Variants in ODF2L observed in about 807,000 individuals in gnomAD.
ODF2L encodes protein BCAP.
A neutral mutation model predicts 86.3 loss-of-function variants in ODF2L; 76 were observed. The ratio of observed to expected loss-of-function variants is 0.88; its 90% CI spans 0.73 to 1.07. ODF2L has a LOEUF of 1.07. ODF2L is among the 50% of genes least tolerant of loss of function. The pLI is 0.00. For synonymous variants in ODF2L, 241 were observed against 231.3 expected, an observed-to-expected ratio of 1.04 and a Z score of -0.38; for missense variants, 748 against 717.4, an observed-to-expected ratio of 1.04 and a Z score of -0.49.
chr1:86,366,714 T>A (rs561202116), intron 11 of ODF2L, among the ~76,000 whole-genome samples: 1 of 151,800 alleles, frequency 6.6e-6, no homozygotes, highest in Admixed American at 6.6e-5. Flanking sequence ...ACTTGGGGAA[T>A]ACTTTTTAAA....
At chr1:86,378,465 C>T (rs1195519977) in intron 7 of ODF2L, among the ~76,000 whole-genome samples, 1 of 152,124 alleles carries the variant, frequency 6.6e-6, no homozygotes, top group Non-Finnish European at 1.5e-5. Context: ...ATAGCAATAC[C>T]CCACTCTCTG....
At chr1:86,355,851 C>T (rs921020125) in intron 14 of ODF2L, 11 of 155,314 alleles carry the variant, frequency 7.1e-5, no homozygotes, top group Admixed American at 3.2e-4. Context: ...CCTAAAACTG[C>T]CTTGAAAGTA....
At chr1:86,348,702 T>C, downstream of ODF2L, 11 of 1,347,930 alleles carry the variant, frequency 8.2e-6, no homozygotes, top group Non-Finnish European at 1.1e-5. Context: ...AATCACATTT[T>C]AGACTCATAA....
At chr1:86,347,923 C>T (rs1657891256), downstream of ODF2L, 2 of 152,110 alleles carry the variant, frequency 1.3e-5, no homozygotes, top group South Asian at 4.1e-4. Flanking sequence ...TACTAAAGAC[C>T]TTATTTTAAA....
intron 11 of ODF2L, among the ~76,000 whole-genome samples, chr1:86,363,939 G>A (rs1209488794): frequency 6.6e-6 from 1 of 151,938 alleles, no homozygotes; most frequent in African/African-American, 2.4e-5. Flanking sequence ...GTAATTAAAA[G>A]TAATAAAACA....
At chr1:86,350,104 A>T (rs960894560) in exon 18 of ODF2L, 5 of 323,754 alleles carry the variant, frequency 1.5e-5, no homozygotes, top group African/African-American at 1.1e-4. Context: ...TCAGATCTTT[A>T]TTTTTTTTAA....
chr1:86,385,814 T>C, intron 2 of ODF2L: 1 of 333,720 alleles, frequency 3.0e-6, no homozygotes, highest in Non-Finnish European at 5.4e-6. Context: ...ATTAAAGATG[T>C]ACGTATAGTT....
chr1:86,348,786 C>G, downstream of ODF2L: 1 of 1,530,054 alleles, frequency 6.5e-7, no homozygotes, highest in Non-Finnish European at 8.7e-7. Flanking sequence ...TTTTAAGAAA[C>G]TGTAAATAAT....
intron 12 of ODF2L, among the ~76,000 whole-genome samples, chr1:86,359,156 G>A (rs1368042362): frequency 6.6e-6 from 1 of 151,490 alleles, no homozygotes; most frequent in Non-Finnish European, 1.5e-5. Context: ...ATTTTCATTT[G>A]CAGATCAATG....
exon 16 of ODF2L, chr1:86,354,681 T>C (rs1043246378): frequency 6.2e-7 from 1 of 1,607,192 alleles, no homozygotes; most frequent in African/African-American, 1.3e-5. Flanking sequence ...TGCGTCCATC[T>C]GTTCTAATTT....
chr1:86,371,851 G>A (rs529510285), intron 9 of ODF2L, among the ~76,000 whole-genome samples: 135 of 152,192 alleles, frequency 8.9e-4, no homozygotes, highest in Non-Finnish European at 1.4e-3. Flanking sequence ...ACAAATAATA[G>A]ATGGCATACT....
intron 7 of ODF2L, among the ~76,000 whole-genome samples, chr1:86,376,888 C>T (rs936136484): frequency 6.6e-6 from 1 of 152,186 alleles, no homozygotes; most frequent in Non-Finnish European, 1.5e-5. Flanking sequence ...CCATAGCATT[C>T]TGCCCCTTGC....
At chr1:86,386,883 A>G (rs776065988) in intron 2 of ODF2L, 32 bp downstream of exon 2, 1 of 1,124,854 alleles carries the variant, frequency 8.9e-7, no homozygotes, top group Non-Finnish European at 1.3e-6. Context: ...AGAATCGGAA[A>G]TTTAGATTTC....
chr1:86,356,509 T>C lies in ODF2L; in HGVS notation c.1453A>G (p.Ser485Gly), dbSNP rs1192650728. ...CACTTCCCCTTGCAGCACTGCAGAC[T>C]CTCCTGACACTCGTGAAGCCTCCGT... The change falls in exon 14 of 18, where the codon AGT becomes GGT. Residue 485 changes from serine to glycine, a missense_variant. Coordinates refer to ENST00000317336, the Ensembl canonical transcript of ODF2L. 8 of 1,614,026 alleles carry C rather than the reference T, an allele frequency of 5.0e-6. No individual in the cohort carries two copies. The East Asian group carries it at 1.8e-4, about 36-fold the overall frequency.
intron 7 of ODF2L, among the ~76,000 whole-genome samples, chr1:86,378,038 A>C (rs1200548295): frequency 6.6e-6 from 1 of 152,202 alleles, no homozygotes; most frequent in Admixed American, 6.5e-5. Context: ...TTCCAATTTC[A>C]AACCTTCTCT....
At chr1:86,394,694 T>C (rs535342783) in intron 1 of ODF2L, among the ~76,000 whole-genome samples, 2 of 152,244 alleles carry the variant, frequency 1.3e-5, no homozygotes, top group African/African-American at 4.8e-5. Context: ...AAAACTACAC[T>C]ATAAATACAC....
intron 7 of ODF2L, among the ~76,000 whole-genome samples, chr1:86,378,901 C>T (rs558100853): frequency 6.6e-6 from 1 of 152,070 alleles, no homozygotes; most frequent in South Asian, 2.1e-4. Context: ...AAACTGTAAC[C>T]CCCAGTGTTG....
intron 11 of ODF2L, 183 bp from the exon 11 acceptor site, chr1:86,360,719 T>C: frequency 2.5e-6 from 1 of 399,512 alleles, no homozygotes. Flanking sequence ...ATTATGAACA[T>C]CCTTATTAAG....
intron 1 of ODF2L, among the ~76,000 whole-genome samples, chr1:86,387,937 G>C (rs185544630): frequency 6.6e-6 from 1 of 151,920 alleles, no homozygotes; most frequent in Non-Finnish European, 1.5e-5. Context: ...TTATATTCAA[G>C]AATTTTTAAC....
Sources: gnomAD v4.1 joint callset for allele counts (sites outside exome capture counted in the v4.1 genomes callset) on GRCh38, gnomAD v4.1.1 for gene constraint, MANE v1.5 for transcripts, NCBI Gene and HGNC (gene_info 2026-07-23, HGNC 2026-07-21) for gene names.